The following KIAA1958 variants were observed in gnomAD, a reference collection of about 807,000 sequenced individuals.
KIAA1958 encodes the protein uncharacterized protein KIAA1958.
In KIAA1958, 14 loss-of-function variants were observed where a neutral mutation model predicts 47.2. The observed-to-expected ratio is 0.30, with a 90% CI of 0.20 to 0.46. The LOEUF (loss-of-function observed/expected upper bound fraction) is 0.46, where lower values mean the gene tolerates loss of function less well. Among genes scored for constraint, KIAA1958 ranks in the 20% least tolerant of loss-of-function variants. The probability of loss-of-function intolerance (pLI) is 1.00; values close to 1 mark genes in which losing one functional copy is unlikely to be tolerated. For missense variants in KIAA1958, 803 were observed against 909.2 expected, an observed-to-expected ratio of 0.88 and a Z score of 1.50; for synonymous variants, 354 against 353.3, an observed-to-expected ratio of 1.00 and a Z score of -0.02.
At chr9:112,647,017 G>A (rs1307021265) in intron 3 of KIAA1958, among the ~76,000 whole-genome samples, 1 of 152,210 alleles carries the variant, frequency 6.6e-6, no homozygotes, top group Non-Finnish European at 1.5e-5. Flanking sequence ...CCAAGGGCAA[G>A]TGAGATCTCC....
chr9:112,597,811 T>C lies in KIAA1958; in HGVS notation c.1171+22560T>C, dbSNP rs544423233. Among the ~76,000 whole-genome samples, 7 of 152,350 alleles carry C rather than the reference T, an allele frequency of 4.6e-5. No individual in the cohort carries two copies. The South Asian group carries it at 8.3e-4, about 18-fold the overall frequency. ...AAAAGGAGATCACTTTCATTTTCTT[T>C]GTTTTCTTTTGGCTTTATATTTTTC... On this transcript the variant is annotated intron_variant, in intron 2 of 3. Transcript: ENST00000337530.
At chr9:112,559,644 T>C (rs1456401230) in intron 1 of KIAA1958, among the ~76,000 whole-genome samples, 2 of 152,230 alleles carry the variant, frequency 1.3e-5, no homozygotes, top group Non-Finnish European at 2.9e-5. Flanking sequence ...GGCTGTATTT[T>C]CAAGCATCGG....
At chr9:112,654,088 G>A (rs1268513807) in intron 3 of KIAA1958, among the ~76,000 whole-genome samples, 1 of 152,196 alleles carries the variant, frequency 6.6e-6, no homozygotes, top group African/African-American at 2.4e-5. Context: ...CAAAGGGTGT[G>A]TGTACAGGGA....
At chr9:112,530,781 T>C (rs1834738993) in intron 1 of KIAA1958, among the ~76,000 whole-genome samples, 1 of 152,226 alleles carries the variant, frequency 6.6e-6, no homozygotes, top group Non-Finnish European at 1.5e-5. Context: ...AGTGATTATA[T>C]ATTCTGAGTG....
chr9:112,534,545 T>C (rs1043399561), intron 1 of KIAA1958, among the ~76,000 whole-genome samples: 1 of 152,098 alleles, frequency 6.6e-6, no homozygotes, highest in Non-Finnish European at 1.5e-5. Context: ...TCTTTTTCTT[T>C]TTTCTTTTTT....
rs112901410 is a variant in KIAA1958 at position 112,662,465 on chromosome 9, C to CACACACACACACACACAG, written c.*2398_*2399insACACACACACACACAGAC. The CACACACACACACACACAG allele has an allele frequency of 1.3e-5, 2 of 152,226 alleles. No individual in the cohort carries two copies. The highest frequency in any genetic ancestry group is 4.8e-5 in the African/African-American group (2 of 41,428). 9.4% of individuals were successfully genotyped at this position (152,226 alleles called of 1,614,324 possible). A position where few individuals can be genotyped will look rare whatever the true frequency, so the allele number is the denominator to read the frequency against. ...ATATACATAAGTGTTTACACACACA[C>CACACACACACACACACAG]ACGCACAATATGTGGTTAAGCCTGG... On this transcript the variant is annotated 3_prime_UTR_variant, in exon 4 of 4. Transcript: ENST00000337530.
At chr9:112,517,552 T>C (rs1834459123) in intron 1 of KIAA1958, among the ~76,000 whole-genome samples, 1 of 152,186 alleles carries the variant, frequency 6.6e-6, no homozygotes, top group African/African-American at 2.4e-5. Flanking sequence ...TTCTTAGAGA[T>C]GACACCAGCA....
chr9:112,522,196 C>T (rs2132797231), intron 1 of KIAA1958, among the ~76,000 whole-genome samples: 1 of 152,268 alleles, frequency 6.6e-6, no homozygotes, highest in East Asian at 1.9e-4. Context: ...GTCTCGAACT[C>T]CCGACCTCAG....
rs1837378567 is a variant in KIAA1958 at position 112,668,392 on chromosome 9, G to T, written c.*8323G>T. The T allele has an allele frequency of 6.6e-6, 1 of 152,240 alleles. No homozygotes were observed. The highest frequency in any genetic ancestry group is 2.1e-4 in the South Asian group (1 of 4,826). The allele number at this position is 152,240 out of a possible 1,614,324, so 9.4% of individuals were successfully genotyped here. On this transcript the variant is annotated 3_prime_UTR_variant, in exon 4 of 4. Transcript: ENST00000337530. ...GAAAGATGGCCTGGGGCAGTGAGAT[G>T]CTTTCCTTAGCTGTACTTGAAGTTT...
intron 1 of KIAA1958, among the ~76,000 whole-genome samples, chr9:112,501,430 G>A (rs779440156): frequency 2.6e-5 from 4 of 151,938 alleles, no homozygotes; most frequent in Non-Finnish European, 4.4e-5. Flanking sequence ...GCAACAAAGC[G>A]AGATCCTGTC....
intron 3 of KIAA1958, among the ~76,000 whole-genome samples, chr9:112,655,560 C>T (rs936964872): frequency 1.3e-5 from 2 of 152,238 alleles, no homozygotes; most frequent in Non-Finnish European, 2.9e-5. Flanking sequence ...TCACCACTTG[C>T]AAAGCCAGTA....
intron 1 of KIAA1958, among the ~76,000 whole-genome samples, chr9:112,520,441 A>G (rs1031876446): frequency 6.6e-6 from 1 of 152,230 alleles, no homozygotes; most frequent in African/African-American, 2.4e-5. Flanking sequence ...TATTACTCCA[A>G]GTGAGTGACT....
chr9:112,605,198 A>G (rs944345364), intron 2 of KIAA1958, among the ~76,000 whole-genome samples: 2 of 152,050 alleles, frequency 1.3e-5, no homozygotes, highest in Non-Finnish European at 2.9e-5. Context: ...GGACACAGGT[A>G]ACTATGTAGG....
intron 2 of KIAA1958, among the ~76,000 whole-genome samples, chr9:112,610,718 A>G (rs1836313447): frequency 6.6e-6 from 1 of 152,228 alleles, no homozygotes; most frequent in Non-Finnish European, 1.5e-5. Context: ...GAATTCTACC[A>G]GAATTTCAAG....
At position 112,593,806 on chromosome 9, in the gene KIAA1958, C is replaced by G. The variant is rs147922556; in HGVS notation, c.1171+18555C>G. On this transcript the variant is annotated intron_variant, in intron 2 of 3. Transcript: ENST00000337530. ...ATAATTCTTGTGACAGAATACCCTC[C>G]TCAAGCACCAACTGCAAGGGAGACT... Among the ~76,000 whole-genome samples the G allele has an allele frequency of 4.5e-3, 686 of 152,126 alleles. 2 individuals carry two copies. Among genetic ancestry groups the G allele is most frequent in the Admixed American group, 8.2e-3 (126 of 15,288 alleles).
chr9:112,491,164 C>T (rs1448310327), intron 1 of KIAA1958, among the ~76,000 whole-genome samples: 3 of 152,126 alleles, frequency 2.0e-5, no homozygotes, highest in East Asian at 1.9e-4. Flanking sequence ...TGGGGTCTTG[C>T]GGTGTTGCCC....
At chr9:112,504,115 C>T (rs1016684543) in intron 1 of KIAA1958, among the ~76,000 whole-genome samples, 2 of 151,768 alleles carry the variant, frequency 1.3e-5, no homozygotes, top group Non-Finnish European at 2.9e-5. Context: ...CTTAAATCAT[C>T]TAAGGAGTTG....
chr9:112,506,213 T>C (rs755158687), intron 1 of KIAA1958, among the ~76,000 whole-genome samples: 3 of 152,126 alleles, frequency 2.0e-5, no homozygotes, highest in Non-Finnish European at 2.9e-5. Flanking sequence ...TCCCAGCACT[T>C]TGGGAGGCCG....
At chr9:112,568,319 T>C (rs1006563999) in intron 1 of KIAA1958, among the ~76,000 whole-genome samples, 4 of 152,148 alleles carry the variant, frequency 2.6e-5, no homozygotes, top group African/African-American at 9.7e-5. Flanking sequence ...GCATATGCAG[T>C]CCAAAGAGCT....
Sources: allele counts gnomAD v4.1 joint callset (sites outside exome capture counted in the v4.1 genomes callset), GRCh38; gene constraint gnomAD v4.1.1; transcripts MANE v1.5; gene names NCBI Gene and HGNC (gene_info 2026-07-23, HGNC 2026-07-21).